The following CTNNA2 variants were observed in gnomAD, a reference collection of about 807,000 sequenced individuals.
CTNNA2 encodes catenin alpha 2, also known as catenin alpha-2.
A neutral mutation model predicts 101.0 loss-of-function variants in CTNNA2; 42 were observed. The ratio of observed to expected loss-of-function variants is 0.42; its 90% CI spans 0.32 to 0.54. The LOEUF is 0.54. CTNNA2 is among the 20% of genes least tolerant of loss of function. The probability of loss-of-function intolerance (pLI) is 0.14; values close to 1 mark genes in which losing one functional copy is unlikely to be tolerated. For missense variants in CTNNA2, 871 were observed against 1,223.1 expected, an observed-to-expected ratio of 0.71 and a Z score of 4.29; for synonymous variants, 450 against 456.4, an observed-to-expected ratio of 0.99 and a Z score of 0.18.
At chr2:80,507,959 G>C (rs983761760) in intron 9 of CTNNA2, among the ~76,000 whole-genome samples, 1 of 152,104 alleles carries the variant, frequency 6.6e-6, no homozygotes, top group South Asian at 2.1e-4. Context: ...GATTTGGCAA[G>C]ACAGGCACTT....
Position 79,858,041 on chromosome 2 carries a change from G to C in CTNNA2, c.327G>C (p.Glu109Asp). ...AGACGATGCGGATCGCCTCCTCCGAGTTTGCAGATGACCCTTGCTCGTCGG... is the reference window on the plus strand; with the variant it reads ...AGACGATGCGGATCGCCTCCTCCGACTTTGCAGATGACCCTTGCTCGTCGG... ...QGETMRIASS[E>D]FADDPCSSVK... The change falls in exon 4 of 19, where the codon GAG becomes GAC. Residue 109 changes from glutamate (E) to aspartate (D), a missense_variant. Physicochemically the swap from Glu to Asp is conservative, Grantham distance 45. This residue lies in a region of CTNNA2 where 647 missense variants were observed against 831.5 expected (regional missense o/e 0.78). Coordinates refer to ENST00000402739, the MANE Select transcript of CTNNA2 (RefSeq NM_001282597.3). The C allele has an allele frequency of 6.2e-7, 1 of 1,613,622 alleles. No individual in the cohort carries two copies. Among genetic ancestry groups the C allele is most frequent in the Non-Finnish European group, 8.5e-7 (1 of 1,179,564 alleles).
In CTNNA2 at chr2:80,601,417, C is replaced by CTTTTTTTTTTTTTT. The variant is rs375645223; in HGVS notation, c.2190-2654_2190-2653insTTTTTTTTTTTTTT. ...GATTTAATGACTTTTTTCTTTCTTTCTTTCTTTTTTTTTTTTTTTGATGAG... is the reference window on the plus strand; with the variant it reads ...GATTTAATGACTTTTTTCTTTCTTTCTTTTTTTTTTTTTTTTTCTTTTTTTTTTTTTTTGATGAG... On this transcript the variant is annotated intron_variant, in intron 15 of 18. Coordinates refer to ENST00000402739, the MANE Select transcript of CTNNA2 (RefSeq NM_001282597.3). 5.9e-3 allele frequency among the ~76,000 whole-genome samples: 551 copies of CTTTTTTTTTTTTTT among 93,850 alleles called. 22 individuals are homozygous for CTTTTTTTTTTTTTT. The highest frequency in any genetic ancestry group is 8.1e-3 in the East Asian group (21 of 2,596). 61.6% of individuals were successfully genotyped at this position (93,850 alleles called of 152,430 possible).
chr2:79,727,527 C>T (rs572251654), intron 2 of CTNNA2, among the ~76,000 whole-genome samples: 1 of 152,248 alleles, frequency 6.6e-6, no homozygotes, highest in South Asian at 2.1e-4. Context: ...TTTAGTCTAT[C>T]TCAGTGGATA....
rs1680402794 is a variant in CTNNA2 at position 79,640,859 on chromosome 2, TATGTCAAACTAATGTCA to T, written c.-5-10690_-5-10674del. Among the ~76,000 whole-genome samples the T allele has an allele frequency of 2.0e-5, 3 of 152,178 alleles. No individual in the cohort carries two copies. In the South Asian group the frequency reaches 6.2e-4, roughly 32 times the overall value. ...TTAATGAGTTTATAACCTGGTGGGT[TATGTCAAACTAATGTCA>T]ATTTCTTAATGAGCCAGTTAAGAAA... is the stretch of plus-strand genomic sequence containing the variant. On this transcript the variant is annotated intron_variant, in intron 1 of 18. Coordinates refer to ENST00000402739, the MANE Select transcript of CTNNA2 (RefSeq NM_001282597.3).
At chr2:79,534,359 A>G (rs1393462055) in intron 1 of CTNNA2, among the ~76,000 whole-genome samples, 1 of 152,142 alleles carries the variant, frequency 6.6e-6, no homozygotes, top group Non-Finnish European at 1.5e-5. Flanking sequence ...TCCTAAGAGT[A>G]TAGATACCGA....
At chr2:80,028,720 G>A (rs760860840) in intron 7 of CTNNA2, among the ~76,000 whole-genome samples, 1 of 152,232 alleles carries the variant, frequency 6.6e-6, no homozygotes, top group Non-Finnish European at 1.5e-5. Flanking sequence ...TTCTTTAAAT[G>A]TGGAAGAGGG....
chr2:79,496,929 G>C (rs1232648381), intron 4 of CTNNA2, among the ~76,000 whole-genome samples: 1 of 152,130 alleles, frequency 6.6e-6, no homozygotes, highest in African/African-American at 2.4e-5. Context: ...AGAAATATTT[G>C]TTCCTAAAAA....
chr2:79,909,759 C>G lies in CTNNA2; in HGVS notation c.1018C>G (p.Gln340Glu), dbSNP rs1292295690. ...RIVAECNAVR[Q>E]ALQDLLSEYM... is the part of the protein sequence containing the mutation. Reference sequence around the variant, plus strand: ...CGTGGCGGAGTGCAACGCCGTGCGGCAGGCGCTCCAGGACCTGCTCAGCGA... The same window carrying G: ...CGTGGCGGAGTGCAACGCCGTGCGGGAGGCGCTCCAGGACCTGCTCAGCGA... The change falls in exon 7 of 19, where the codon CAG (glutamine) becomes GAG (glutamate). Residue 340 changes from glutamine to glutamate, a missense_variant. By Grantham distance (29) the Gln-to-Glu change is conservative (BLOSUM62 2). Transcript: ENST00000402739. 5 of 1,612,794 alleles carry G rather than the reference C, an allele frequency of 3.1e-6. No individual in the cohort carries two copies. In the South Asian group the frequency reaches 4.4e-5, roughly 14 times the overall value.
chr2:79,786,746 G>A (rs920971019), intron 3 of CTNNA2, among the ~76,000 whole-genome samples: 10 of 151,978 alleles, frequency 6.6e-5, no homozygotes, highest in African/African-American at 2.4e-4. Flanking sequence ...TTTCTTATAA[G>A]TACTCCCCAA....
intron 7 of CTNNA2, among the ~76,000 whole-genome samples, chr2:80,012,225 C>T (rs183635358): frequency 1.2e-4 from 19 of 152,202 alleles, no homozygotes; most frequent in Middle Eastern, 6.8e-3. Flanking sequence ...CATGAGGGTT[C>T]GATGGCTGTA....
intron 4 of CTNNA2, among the ~76,000 whole-genome samples, chr2:79,375,455 T>A (rs1677957117): frequency 6.6e-6 from 1 of 152,194 alleles, no homozygotes; most frequent in African/African-American, 2.4e-5. Context: ...GAAAGAGTCC[T>A]CAAAGATCAT....
chr2:79,236,151 G>T (rs1438409713), intron 2 of CTNNA2, among the ~76,000 whole-genome samples: 1 of 152,196 alleles, frequency 6.6e-6, no homozygotes, highest in Non-Finnish European at 1.5e-5. Flanking sequence ...CTGCTTATGA[G>T]AAATGGGGTT....
At chr2:79,440,131 A>G (rs1359849460) in intron 4 of CTNNA2, among the ~76,000 whole-genome samples, 2 of 152,170 alleles carry the variant, frequency 1.3e-5, no homozygotes, top group African/African-American at 4.8e-5. Context: ...TAAAGGTTCT[A>G]TTAAGAGTTA....
At position 80,604,121 on chromosome 2, in the gene CTNNA2, A is replaced by C. The variant is rs1046015109; in HGVS notation, c.2237A>C (p.Lys746Thr). The C allele has an allele frequency of 4.3e-6, 7 of 1,613,248 alleles. No homozygotes were observed. The highest frequency in any genetic ancestry group is 5.9e-6 in the Non-Finnish European group (7 of 1,179,474). The change falls in exon 16 of 19, where the codon AAG (lysine) becomes ACG (threonine). Residue 746 changes from lysine to threonine, a missense_variant. Physicochemically the swap from Lys to Thr is moderately conservative, Grantham distance 78. This residue lies in a region of CTNNA2 where 93 missense variants were observed against 223.7 expected (regional missense o/e 0.42). Transcript: ENST00000402739. ...KNTSDVINAA[K>T]KIAEAGSRMD... ...ACATCTGATGTCATTAATGCTGCCA[A>C]GAAAATTGCCGAAGCAGGTTCTCGA...
At chr2:79,424,815 T>C (rs1386580070) in intron 4 of CTNNA2, among the ~76,000 whole-genome samples, 1 of 152,132 alleles carries the variant, frequency 6.6e-6, no homozygotes, top group East Asian at 1.9e-4. Context: ...AGAATTAAGG[T>C]TCATGGATGT....
rs571896799 is a variant in CTNNA2, at chr2:80,535,514, A to G, written c.1291-9468A>G. ...GACACAATTGAGGCTCAGAGATGCAACACGTCTCACCCAGCTGGTGAGAAT... is the reference window on the plus strand; with the variant it reads ...GACACAATTGAGGCTCAGAGATGCAGCACGTCTCACCCAGCTGGTGAGAAT... On this transcript the variant is annotated intron_variant, in intron 9 of 18. Transcript: ENST00000402739. Among the ~76,000 whole-genome samples, 69 of 152,290 alleles carry G rather than the reference A, an allele frequency of 4.5e-4. No individual in the cohort carries two copies. The South Asian group carries it at 0.014, about 31-fold the overall frequency.
chr2:80,511,484 A>G (rs1431974199), intron 9 of CTNNA2, among the ~76,000 whole-genome samples: 1 of 152,006 alleles, frequency 6.6e-6, no homozygotes, highest in Non-Finnish European at 1.5e-5. Flanking sequence ...GCCTCTTAAA[A>G]CAGATGGTAC....
At chr2:79,705,528 G>A (rs765294628) in intron 2 of CTNNA2, among the ~76,000 whole-genome samples, 10 of 151,884 alleles carry the variant, frequency 6.6e-5, no homozygotes, top group Admixed American at 4.6e-4. Context: ...ACATATGTAT[G>A]TATAAACTCA....
chr2:79,293,473 G>C (rs886603864), intron 2 of CTNNA2, among the ~76,000 whole-genome samples: 1 of 152,022 alleles, frequency 6.6e-6, no homozygotes, highest in Non-Finnish European at 1.5e-5. Context: ...TTACAGTTTG[G>C]CTAAAAGGAA....
Sources: gnomAD v4.1 joint callset for allele counts (sites outside exome capture counted in the v4.1 genomes callset) on GRCh38, gnomAD v4.1.1 for gene constraint, gnomAD v4.1.1 regional missense constraint, MANE v1.5 for transcripts, NCBI Gene and HGNC (gene_info 2026-07-23, HGNC 2026-07-21) for gene names.